ENAM: variants seen among roughly 807,000 people sequenced by gnomAD.
The protein encoded by ENAM is amelogenesis imperfecta 2, hypocalcification (autosomal dominant).
Under a neutral mutation model 33.6 loss-of-function variants are expected in ENAM, and 21 were observed. The ratio of observed to expected loss-of-function variants is 0.63; its 90% CI spans 0.44 to 0.90. The LOEUF is 0.90. Among genes scored for constraint, ENAM ranks in the 40% least tolerant of loss-of-function variants. ENAM has a pLI of 0.00. For synonymous variants in ENAM, 473 were observed against 468.4 expected (o/e 1.01, Z -0.13); for missense variants, 1,388 against 1,366.9 (o/e 1.02, Z -0.24).
At chr4:70,641,715 A>AGGAGGAT (rs1738601631) in intron 8 of ENAM, among the ~76,000 whole-genome samples, 1 of 152,144 alleles carries the variant, frequency 6.6e-6, no homozygotes, top group African/African-American at 2.4e-5. Flanking sequence ...CAGAAAAATT[A>AGGAGGAT]GGAGGATGGA....
At chr4:70,641,994 T>G (rs1560403627) in intron 8 of ENAM, 21 bp from the exon 9 acceptor site, 1 of 1,589,214 alleles carries the variant, frequency 6.3e-7, no homozygotes, top group Admixed American at 1.7e-5. Context: ...CAATTATTGA[T>G]TTCCATTTTC....
intron 8 of ENAM, among the ~76,000 whole-genome samples, chr4:70,638,274 CAGAGTGATA>C (rs1738508476): frequency 6.6e-6 from 1 of 151,968 alleles, no homozygotes; most frequent in African/African-American, 2.4e-5. Flanking sequence ...ATGTATATCA[CAGAGTGATA>C]TACTCTTAAT....
rs1738742519 is a variant in ENAM at position 70,645,669 on chromosome 4, A to G, written c.*814A>G. On this transcript the variant is annotated 3_prime_UTR_variant, in exon 9 of 9. Transcript: ENST00000396073. ...TACACCATTTTCATCTTAAGACTGC[A>G]TGTCACTCTCTTCCTTTTTGTATCC... 1 of 152,178 alleles carries G rather than the reference A, an allele frequency of 6.6e-6. No individual in the cohort carries two copies. Among genetic ancestry groups the G allele is most frequent in the Admixed American group, 6.6e-5 (1 of 15,266 alleles). 9.4% of individuals were successfully genotyped at this position (152,178 alleles called of 1,614,324 possible).
rs1221994668 is a variant in ENAM at position 70,644,764 on chromosome 4, T to C, written c.3338T>C (p.Leu1113Pro). 2 of 1,613,926 alleles carry C rather than the reference T, an allele frequency of 1.2e-6. No homozygotes were observed. Among genetic ancestry groups the C allele is most frequent in the African/African-American group, 2.7e-5 (2 of 74,890 alleles). The change falls in exon 9 of 9, where the codon CTT (leucine) becomes CCT (proline). Residue 1113 changes from leucine to proline, a missense_variant. Leu to Pro is a moderately conservative substitution (Grantham distance 98). Transcript: ENST00000396073. ...TTTAAGAGTATAAATGTAGACCCACTTGATGCAGATGAACACAGTCCATTT... is the reference window on the plus strand; with the variant it reads ...TTTAAGAGTATAAATGTAGACCCACCTGATGCAGATGAACACAGTCCATTT... ...EQFKSINVDP[L>P]DADEHSPFEF...
intron 8 of ENAM, among the ~76,000 whole-genome samples, chr4:70,640,569 TTGTA>T (rs1485409579): frequency 2.6e-5 from 4 of 152,256 alleles, no homozygotes; most frequent in African/African-American, 9.6e-5. Context: ...TTATTAAAAA[TTGTA>T]TTATTATTAT....
Position 70,642,780 on chromosome 4 carries a change from A to G in ENAM, c.1354A>G (p.Lys452Glu), listed in dbSNP as rs751890482. The change falls in exon 9 of 9, where the codon AAG becomes GAG. Residue 452 changes from lysine (K) to glutamate (E), a missense_variant. Transcript: ENST00000396073. ...GPKEQIIVPT[K>E]NPTSPWRNSQ... ...AAAAGAACAAATAATAGTTCCTACA[A>G]AGAATCCAACCAGCCCCTGGAGAAA... 6.2e-7 allele frequency: 1 copy of G among 1,613,484 alleles called. No homozygotes were observed. The highest frequency in any genetic ancestry group is 1.1e-5 in the South Asian group (1 of 90,874).
chr4:70,636,946 A>G (rs975633033), intron 7 of ENAM, among the ~76,000 whole-genome samples: 1 of 152,252 alleles, frequency 6.6e-6, no homozygotes, highest in Non-Finnish European at 1.5e-5. Flanking sequence ...TTGCTGCTAA[A>G]CAAACAAAAC....
At position 70,643,962 on chromosome 4, in the gene ENAM, T is replaced by A; in HGVS notation, c.2536T>A (p.Ser846Thr). The A allele has an allele frequency of 1.2e-6, 2 of 1,614,046 alleles. No homozygotes were observed. Among genetic ancestry groups the A allele is most frequent in the Non-Finnish European group, 1.7e-6 (2 of 1,179,990 alleles). Residue 846 changes from serine (S) to threonine (T), a missense_variant, in exon 9 of 9, where the codon TCA becomes ACA. Physicochemically the swap from Ser to Thr is moderately conservative, Grantham distance 58. Coordinates refer to ENST00000396073, the MANE Select transcript of ENAM (RefSeq NM_031889.3). ...GATGAATTCTCCAGAGAGAGAACAT[T>A]CATCTTTCCCTAACTTCATCCCACC... Reference protein sequence around the residue: ...TRMNSPEREHSSFPNFIPPSY... With the variant: ...TRMNSPEREHTSFPNFIPPSY...
chr4:70,631,538 A>G (rs1738320169), intron 2 of ENAM, 132 bp from the exon 3 acceptor site: 1 of 717,892 alleles, frequency 1.4e-6, no homozygotes, highest in Admixed American at 2.2e-5. Flanking sequence ...ATAAAATAAA[A>G]CTGGCAGCAG....
At position 70,643,607 on chromosome 4, in the gene ENAM, T is replaced by A; in HGVS notation, c.2181T>A (p.Asn727Lys). The change falls in exon 9 of 9, where the codon AAT becomes AAA. Residue 727 changes from asparagine to lysine, a missense_variant. Physicochemically the swap from Asn to Lys is moderately conservative, Grantham distance 94. Coordinates refer to ENST00000396073, the MANE Select transcript of ENAM (RefSeq NM_031889.3). Reference sequence around the variant, plus strand: ...TTTACCCATGGAGCCCGGATGAGAATTTTCCATCATATAATACAGCTTCTA... The same window carrying A: ...TTTACCCATGGAGCCCGGATGAGAAATTTCCATCATATAATACAGCTTCTA... Reference protein sequence around the residue: ...SEFYPWSPDENFPSYNTASTM... With the variant: ...SEFYPWSPDEKFPSYNTASTM... The A allele has an allele frequency of 6.2e-7, 1 of 1,614,054 alleles. No homozygotes were observed. The highest frequency in any genetic ancestry group is 8.5e-7 in the Non-Finnish European group (1 of 1,180,010).
chr4:70,634,493 G>C lies in ENAM; in HGVS notation c.396G>C (p.Lys132Asn), dbSNP rs1007205246. 6.2e-7 allele frequency: 1 copy of C among 1,613,946 alleles called. No individual in the cohort carries two copies. Among genetic ancestry groups the C allele is most frequent in the Non-Finnish European group, 8.5e-7 (1 of 1,180,028 alleles). Residue 132 changes from lysine (K) to asparagine (N), a missense_variant, in exon 6 of 9, where the codon AAG (lysine) becomes AAC (asparagine). Transcript: ENST00000396073. ...TQKPNQTQSK[K>N]PPQKRPLKQP... ...AACCCAACCAGACTCAGTCAAAAAA[G>C]CCACCACAAAAGCGGCCTTTGAAGC...
At chr4:70,632,606 A>C (rs775409734) in intron 4 of ENAM, 45 bp from the exon 5 acceptor site, 3 of 1,375,298 alleles carry the variant, frequency 2.2e-6, no homozygotes, top group Non-Finnish European at 3.1e-6. Context: ...TTGATTTAAT[A>C]AAAGTTTCAC....
chr4:70,629,386 T>C, intron 1 of ENAM, 55 bp from the exon 2 acceptor site: 1 of 837,768 alleles, frequency 1.2e-6, no homozygotes, highest in Non-Finnish European at 2.1e-6. Context: ...TGTGCTGCCT[T>C]AGAACTGAAG....
chr4:70,630,622 A>G (rs187410662), intron 2 of ENAM, among the ~76,000 whole-genome samples: 3 of 152,336 alleles, frequency 2.0e-5, no homozygotes, highest in African/African-American at 7.2e-5. Flanking sequence ...CGTTAAAAAC[A>G]ATCTCCAAAC....
At chr4:70,629,062 G>A (rs1738244188) in intron 1 of ENAM, 98 bp downstream of exon 1, 1 of 170,046 alleles carries the variant, frequency 5.9e-6, no homozygotes. Context: ...ATTCCTTCTT[G>A]TTGGTTGTAT....
chr4:70,644,780 C>A lies in ENAM; in HGVS notation c.3354C>A (p.His1118Gln). ...TAGACCCACTTGATGCAGATGAACACAGTCCATTTGAATTCCTTCAAAGAG... is the reference window on the plus strand; with the variant it reads ...TAGACCCACTTGATGCAGATGAACAAAGTCCATTTGAATTCCTTCAAAGAG... ...INVDPLDADE[H>Q]SPFEFLQRGT... Residue 1118 changes from histidine (H) to glutamine (Q), a missense_variant, in exon 9 of 9, where the codon CAC (histidine) becomes CAA (glutamine). Transcript: ENST00000396073. The A allele has an allele frequency of 6.2e-7, 1 of 1,613,986 alleles. No individual in the cohort carries two copies. Among genetic ancestry groups the A allele is most frequent in the Non-Finnish European group, 8.5e-7 (1 of 1,179,844 alleles).
intron 5 of ENAM, 54 bp downstream of exon 5, chr4:70,632,746 C>G: frequency 8.1e-7 from 1 of 1,236,320 alleles, no homozygotes. Context: ...TAGATAACTC[C>G]GTTATAAAGT....
In ENAM at chr4:70,642,634, G is replaced by A; in HGVS notation, c.1208G>A (p.Arg403Lys). 2 of 1,614,050 alleles carry A rather than the reference G, an allele frequency of 1.2e-6. No individual in the cohort carries two copies. Among genetic ancestry groups the A allele is most frequent in the East Asian group, 2.2e-5 (1 of 44,876 alleles). The change falls in exon 9 of 9, where the codon AGA becomes AAA. Residue 403 changes from arginine to lysine, a missense_variant. By Grantham distance (26) the Arg-to-Lys change is conservative (BLOSUM62 2). Coordinates refer to ENST00000396073, the MANE Select transcript of ENAM (RefSeq NM_031889.3). The part of the protein sequence containing the change: ...NYAGNPANLR[R>K]KPQGPNKHPV... Reference sequence around the variant, plus strand: ...GCAGGAAATCCAGCAAATCTCAGAAGAAAGCCTCAGGGGCCAAATAAACAC... The same window carrying A: ...GCAGGAAATCCAGCAAATCTCAGAAAAAAGCCTCAGGGGCCAAATAAACAC...
intron 2 of ENAM, among the ~76,000 whole-genome samples, chr4:70,631,154 A>G (rs1738307621): frequency 6.6e-6 from 1 of 152,238 alleles, no homozygotes; most frequent in Non-Finnish European, 1.5e-5. Context: ...TAGTCTCTAT[A>G]TAACAGAATA....
Sources: allele counts gnomAD v4.1 joint callset (sites outside exome capture counted in the v4.1 genomes callset), GRCh38; gene constraint gnomAD v4.1.1; transcripts MANE v1.5; gene names NCBI Gene and HGNC (gene_info 2026-07-23, HGNC 2026-07-21).